The following ZBTB17 variants were observed in gnomAD, a reference collection of about 807,000 sequenced individuals.
ZBTB17 encodes the protein zinc finger and BTB domain-containing protein 17.
Under a neutral mutation model 85.1 loss-of-function variants are expected in ZBTB17, and 24 were observed. That is an observed-to-expected ratio of 0.28 (90% CI 0.20 to 0.40). The LOEUF (loss-of-function observed/expected upper bound fraction) is 0.40. Ranked by LOEUF, ZBTB17 falls within the 10% of genes least tolerant of loss-of-function variation. The probability of loss-of-function intolerance (pLI) is 1.00; values close to 1 mark genes in which losing one functional copy is unlikely to be tolerated. For missense variants in ZBTB17, 743 were observed against 1,105.1 expected (o/e 0.67, Z 4.65); for synonymous variants, 464 against 460.2 (o/e 1.01, Z -0.11).
chr1:15,943,758 G>T, intron 10 of ZBTB17, 43 bp from the exon 11 acceptor site: 3 of 1,612,778 alleles, frequency 1.9e-6, no homozygotes, highest in Non-Finnish European at 2.5e-6. Context: ...GGCACCACCG[G>T]TGGCCGAGGA....
At chr1:15,962,326 T>G (rs146174776) in intron 2 of ZBTB17, among the ~76,000 whole-genome samples, 194 of 152,360 alleles carry the variant, frequency 1.3e-3, no homozygotes, top group Middle Eastern at 6.8e-3. Flanking sequence ...CAGCTCCATC[T>G]GCTGAGACTC....
At chr1:15,956,986 C>T (rs938246379) in intron 2 of ZBTB17, among the ~76,000 whole-genome samples, 2 of 152,028 alleles carry the variant, frequency 1.3e-5, no homozygotes, top group African/African-American at 2.4e-5. Context: ...CAAGACCAGC[C>T]TGGCCGACAT....
At chr1:15,955,446 C>G (rs2072012049) in intron 2 of ZBTB17, among the ~76,000 whole-genome samples, 1 of 152,196 alleles carries the variant, frequency 6.6e-6, no homozygotes, top group Non-Finnish European at 1.5e-5. Context: ...CTCCTCCCGA[C>G]AACCTGATTC....
intron 2 of ZBTB17, among the ~76,000 whole-genome samples, chr1:15,971,072 T>C (rs967839398): frequency 6.6e-6 from 1 of 152,116 alleles, no homozygotes; most frequent in Non-Finnish European, 1.5e-5. Context: ...ACCAGAGGGA[T>C]GCAAGAGAAG....
In ZBTB17 at chr1:15,952,089, AG is replaced by A. The variant is rs1184904952; in HGVS notation, c.-2-3593del. 6.6e-6 allele frequency among the ~76,000 whole-genome samples: 1 copy of A among 152,240 alleles called. No homozygotes were observed. Among genetic ancestry groups the A allele is most frequent in the East Asian group, 1.9e-4 (1 of 5,190 alleles). On this transcript the variant is annotated intron_variant, in intron 2 of 15. Coordinates refer to ENST00000375743, the MANE Select transcript of ZBTB17 (RefSeq NM_003443.3). The surrounding 1 kb of genome is among the most constrained non-coding windows in gnomAD (Gnocchi z 4.3). The stretch of plus-strand genomic sequence containing the variant: ...TGTGCACTAGTTAAAGCAACTTCTA[AG>A]GAAGATCCTAAAACCTTAGAACCAT...
chr1:15,968,987 T>C (rs752135492), intron 2 of ZBTB17, among the ~76,000 whole-genome samples: 8 of 152,236 alleles, frequency 5.3e-5, no homozygotes, highest in Non-Finnish European at 1.2e-4. Context: ...GTGGGCTACA[T>C]GGCAGGTGAG....
chr1:15,944,847 T>G lies in ZBTB17; in HGVS notation c.928-8A>C. On this transcript the variant is annotated splice_region_variant and splice_polypyrimidine_tract_variant and intron_variant, in intron 7 of 15. Coordinates refer to ENST00000375743, the MANE Select transcript of ZBTB17 (RefSeq NM_003443.3). ...GAACTCCTTCCCACAGTCCTGTGGGTGCAGCGGGGAAGCGGGGTGTGAGGA... is the reference window on the plus strand; with the variant it reads ...GAACTCCTTCCCACAGTCCTGTGGGGGCAGCGGGGAAGCGGGGTGTGAGGA... The G allele has an allele frequency of 6.3e-7, 1 of 1,589,644 alleles. No individual in the cohort carries two copies. Among genetic ancestry groups the G allele is most frequent in the South Asian group, 1.1e-5 (1 of 88,340 alleles).
In ZBTB17 at chr1:15,948,391, A is replaced by G; in HGVS notation, c.105T>C (p.Phe35=). The stretch of plus-strand genomic sequence containing the variant: ...CCGCCAGCACTGCTTTATGAGCCTT[A>G]AAGTGAACACCGTCCACCACAAAGG... ...DCTFVVDGVH[F]KAHKAVLAAC... Residue 35 remains phenylalanine, a synonymous_variant, in exon 3 of 16, where the codon TTT becomes TTC. Transcript: ENST00000375743. The G allele has an allele frequency of 6.2e-7, 1 of 1,614,064 alleles. No individual in the cohort carries two copies. Among genetic ancestry groups the G allele is most frequent in the Non-Finnish European group, 8.5e-7 (1 of 1,180,040 alleles).
intron 9 of ZBTB17, 38 bp from the exon 10 acceptor site, chr1:15,943,933 A>C: frequency 6.4e-7 from 1 of 1,550,844 alleles, no homozygotes; most frequent in Non-Finnish European, 8.7e-7. Flanking sequence ...CACCCCACAG[A>C]GCTCGGCCCC....
At chr1:15,949,104 T>G (rs1220102567) in intron 2 of ZBTB17, among the ~76,000 whole-genome samples, 1 of 152,128 alleles carries the variant, frequency 6.6e-6, no homozygotes, top group African/African-American at 2.4e-5. Flanking sequence ...GGGAACTACC[T>G]AGAGTTGCGG....
intron 2 of ZBTB17, among the ~76,000 whole-genome samples, 156 bp downstream of exon 2, chr1:15,972,882 TC>T (rs1253843528): frequency 6.6e-6 from 1 of 152,128 alleles, no homozygotes; most frequent in Non-Finnish European, 1.5e-5. Context: ...AATAGTAAGA[TC>T]AACAATTTCC....
chr1:15,949,969 T>C (rs1368232926), intron 2 of ZBTB17, among the ~76,000 whole-genome samples: 1 of 152,250 alleles, frequency 6.6e-6, no homozygotes, highest in East Asian at 1.9e-4. Context: ...TCAGCGTTGC[T>C]GCTGCTGCCA....
chr1:15,969,991 A>G, intron 2 of ZBTB17: 1 of 855,336 alleles, frequency 1.2e-6, no homozygotes, highest in East Asian at 2.8e-5. Flanking sequence ...AAGCTACAAA[A>G]TATGTTCGAT....
chr1:15,955,746 A>G (rs2072023225), intron 2 of ZBTB17, among the ~76,000 whole-genome samples: 1 of 152,172 alleles, frequency 6.6e-6, no homozygotes, highest in Non-Finnish European at 1.5e-5. Flanking sequence ...AAGAGGCCAG[A>G]AACTTGAGAC....
Position 15,946,141 on chromosome 1 carries a change from G to C in ZBTB17, c.535+13C>G. 1 of 1,604,030 alleles carries C rather than the reference G, an allele frequency of 6.2e-7. No homozygotes were observed. The highest frequency in any genetic ancestry group is 2.2e-5 in the East Asian group (1 of 44,872). On this transcript the variant is annotated intron_variant, in intron 5 of 15. Coordinates refer to ENST00000375743, the MANE Select transcript of ZBTB17 (RefSeq NM_003443.3). ...GACAGGACAGCCGGCTGGGTCCTTG[G>C]CATCTGACTCACCGCTGGCCGCACT...
chr1:15,965,158 A>G (rs975348588), intron 2 of ZBTB17, among the ~76,000 whole-genome samples: 7 of 152,112 alleles, frequency 4.6e-5, no homozygotes, highest in African/African-American at 1.7e-4. Context: ...AACAAAAAAC[A>G]ATATCCTACA....
intron 2 of ZBTB17, among the ~76,000 whole-genome samples, chr1:15,954,707 TGA>T (rs2071982252): frequency 6.6e-6 from 1 of 151,984 alleles, no homozygotes; most frequent in African/African-American, 2.4e-5. Flanking sequence ...TAAAATTACC[TGA>T]GTGTGGTGGC....
chr1:15,948,587 A>T, intron 2 of ZBTB17, 90 bp from the exon 3 acceptor site: 2 of 1,340,962 alleles, frequency 1.5e-6, no homozygotes, highest in Non-Finnish European at 2.0e-6. Context: ...GGCGAGCACC[A>T]TGGAGAAGAC....
rs754497798 is a variant in ZBTB17, at chr1:15,948,223, T to C, written c.205+68A>G. ...CTGCAGGTGCTGCCCCTGGAGGGCC[T>C]AGCATGGCACAGGGCCGGCCATAGC... is the stretch of plus-strand genomic sequence containing the variant. On this transcript the variant is annotated intron_variant, in intron 3 of 15. Coordinates refer to ENST00000375743, the MANE Select transcript of ZBTB17 (RefSeq NM_003443.3). 16 of 1,592,454 alleles carry C rather than the reference T, an allele frequency of 1.0e-5. No individual in the cohort carries two copies. The South Asian group carries it at 1.6e-4, about 15-fold the overall frequency.
Sources: allele counts gnomAD v4.1 joint callset (sites outside exome capture counted in the v4.1 genomes callset), GRCh38; gene constraint gnomAD v4.1.1; non-coding constraint Gnocchi (gnomAD v3.1); transcripts MANE v1.5; gene names NCBI Gene and HGNC (gene_info 2026-07-23, HGNC 2026-07-21).